KCNJ3: variants seen among roughly 807,000 people sequenced by gnomAD.
KCNJ3 encodes potassium inwardly rectifying channel subfamily J member 3, also known as G protein-activated inward rectifier potassium channel 1.
In KCNJ3, 4 loss-of-function variants were observed where a neutral mutation model predicts 39.2. That is an observed-to-expected ratio of 0.10 (90% CI 0.05 to 0.23). KCNJ3 has a LOEUF of 0.23. KCNJ3 is among the 10% of genes least tolerant of loss of function. The pLI is 1.00. For missense variants in KCNJ3, 276 were observed against 634.9 expected (o/e 0.43, Z 6.08); for synonymous variants, 230 against 237.4 (o/e 0.97, Z 0.29).
chr2:154,847,319 G>C (rs1369406436), intron 2 of KCNJ3, among the ~76,000 whole-genome samples: 1 of 152,156 alleles, frequency 6.6e-6, no homozygotes, highest in Non-Finnish European at 1.5e-5. Context: ...AGAGCATGCA[G>C]AGAATGCCAA....
intron 2 of KCNJ3, among the ~76,000 whole-genome samples, chr2:154,719,487 A>G (rs1441986857): frequency 1.3e-5 from 2 of 152,160 alleles, no homozygotes; most frequent in African/African-American, 4.8e-5. Context: ...ATTCATTACC[A>G]TAACCAAGAA....
chr2:154,821,669 T>C (rs945114872), intron 2 of KCNJ3, among the ~76,000 whole-genome samples: 1 of 120,964 alleles, frequency 8.3e-6, no homozygotes, highest in African/African-American at 3.2e-5. Context: ...TGAGATGGAG[T>C]CTCACTCTGT....
At chr2:154,808,116 T>C (rs1686946097) in intron 2 of KCNJ3, among the ~76,000 whole-genome samples, 2 of 150,846 alleles carry the variant, frequency 1.3e-5, no homozygotes, top group African/African-American at 4.9e-5. Context: ...AGTCTTACTC[T>C]GTCACACAGG....
chr2:154,839,352 G>C (rs903650595), intron 2 of KCNJ3, among the ~76,000 whole-genome samples: 4 of 152,154 alleles, frequency 2.6e-5, no homozygotes, highest in Non-Finnish European at 5.9e-5. Flanking sequence ...CATTTGGGTT[G>C]GTTCCAAGTC....
chr2:154,804,780 C>T (rs1686881734), intron 2 of KCNJ3, among the ~76,000 whole-genome samples: 2 of 152,042 alleles, frequency 1.3e-5, no homozygotes, highest in Non-Finnish European at 2.9e-5. Context: ...TCAGTATCAC[C>T]CAAAGCTGAG....
intron 2 of KCNJ3, among the ~76,000 whole-genome samples, chr2:154,730,910 C>T (rs943605228): frequency 6.6e-5 from 10 of 152,038 alleles, no homozygotes; most frequent in Middle Eastern, 3.4e-3. Flanking sequence ...AATAAACCTA[C>T]CAAAAATTGA....
chr2:154,852,782 T>A (rs899671325), intron 2 of KCNJ3, among the ~76,000 whole-genome samples: 1 of 152,108 alleles, frequency 6.6e-6, no homozygotes, highest in Non-Finnish European at 1.5e-5. Flanking sequence ...ATGTGTGTGT[T>A]TACACTTAAT....
chr2:154,769,001 G>A (rs1686186162), intron 2 of KCNJ3, among the ~76,000 whole-genome samples: 1 of 152,150 alleles, frequency 6.6e-6, no homozygotes, highest in Non-Finnish European at 1.5e-5. Flanking sequence ...TGTTATTGGT[G>A]TAGAGGAATG....
chr2:154,792,306 C>T (rs373057310), intron 2 of KCNJ3, among the ~76,000 whole-genome samples: 8 of 151,990 alleles, frequency 5.3e-5, no homozygotes, highest in South Asian at 2.1e-4. Flanking sequence ...AGTGTGTGCT[C>T]CTTAAACTCA....
rs1016928388 is a variant in KCNJ3, at chr2:154,819,522, A to T, written c.920-35205A>T. Reference sequence around the variant, plus strand: ...CTCTAAACACAATAACATTTTATTTATTTTTATTTATTTATTTATTTATTT... The same window carrying T: ...CTCTAAACACAATAACATTTTATTTTTTTTTATTTATTTATTTATTTATTT... On this transcript the variant is annotated intron_variant, in intron 2 of 2. Coordinates refer to ENST00000295101, the MANE Select transcript of KCNJ3 (RefSeq NM_002239.4). 4.0e-5 allele frequency among the ~76,000 whole-genome samples: 6 copies of T among 151,422 alleles called. No homozygotes were observed. The South Asian group carries it at 6.2e-4, about 16-fold the overall frequency.
At chr2:154,854,589 A>T (rs752736256) in intron 2 of KCNJ3, 138 bp from the exon 3 acceptor site, 41 of 589,500 alleles carry the variant, frequency 7.0e-5, no homozygotes, top group Non-Finnish European at 1.1e-4. Flanking sequence ...TACAACTTTT[A>T]ATCTATTCTA....
intron 2 of KCNJ3, among the ~76,000 whole-genome samples, chr2:154,832,872 A>C (rs1411897276): frequency 2.0e-5 from 3 of 152,282 alleles, no homozygotes; most frequent in Non-Finnish European, 1.5e-5. Context: ...TTGTGTGGAG[A>C]TATGGAATAG....
At chr2:154,721,485 T>C (rs1003584529) in intron 2 of KCNJ3, among the ~76,000 whole-genome samples, 3 of 152,182 alleles carry the variant, frequency 2.0e-5, no homozygotes, top group Admixed American at 2.0e-4. Flanking sequence ...ATTAAAATAC[T>C]GTTTCTTATT....
intron 2 of KCNJ3, among the ~76,000 whole-genome samples, chr2:154,773,768 A>T (rs1056295626): frequency 1.3e-5 from 2 of 152,174 alleles, no homozygotes; most frequent in East Asian, 1.9e-4. Flanking sequence ...TCTGATATTC[A>T]CACTTGACGC....
At chr2:154,853,218 T>C (rs1408256145) in intron 2 of KCNJ3, among the ~76,000 whole-genome samples, 1 of 151,844 alleles carries the variant, frequency 6.6e-6, no homozygotes, top group Non-Finnish European at 1.5e-5. Context: ...ACTAATTTTC[T>C]ACATGAGTTT....
intron 2 of KCNJ3, among the ~76,000 whole-genome samples, chr2:154,737,499 T>C (rs1349072026): frequency 1.3e-5 from 2 of 152,150 alleles, no homozygotes; most frequent in African/African-American, 4.8e-5. Context: ...CAGGAAAATA[T>C]GATCCACGAG....
chr2:154,740,130 A>C (rs912490302), intron 2 of KCNJ3, among the ~76,000 whole-genome samples: 4 of 152,058 alleles, frequency 2.6e-5, no homozygotes, highest in African/African-American at 9.7e-5. Context: ...CCTTTGAGTT[A>C]ACAATTTTTG....
chr2:154,843,833 T>C (rs545377889), intron 2 of KCNJ3, among the ~76,000 whole-genome samples: 1 of 152,274 alleles, frequency 6.6e-6, no homozygotes, highest in East Asian at 1.9e-4. Flanking sequence ...TAGTTAGCCA[T>C]TCGTCTAATC....
intron 2 of KCNJ3, among the ~76,000 whole-genome samples, chr2:154,849,958 A>G (rs1017153225): frequency 1.4e-4 from 21 of 145,990 alleles, no homozygotes; most frequent in African/African-American, 5.2e-4. Flanking sequence ...AAACAATAAT[A>G]TATACCCTTT....
Sources: gnomAD v4.1 joint callset for allele counts (sites outside exome capture counted in the v4.1 genomes callset) on GRCh38, gnomAD v4.1.1 for gene constraint, MANE v1.5 for transcripts, NCBI Gene and HGNC (gene_info 2026-07-23, HGNC 2026-07-21) for gene names.